The following PUS10 variants were observed in gnomAD, a reference collection of about 807,000 sequenced individuals.
The protein encoded by PUS10 is tRNA pseudouridine synthase Pus10.
Under a neutral mutation model 75.0 loss-of-function variants are expected in PUS10, and 59 were observed. That is an observed-to-expected ratio of 0.79 (90% CI 0.64 to 0.98). The LOEUF (loss-of-function observed/expected upper bound fraction) is 0.98. PUS10 is among the 50% of genes least tolerant of loss of function. PUS10 has a pLI of 0.00. For missense variants in PUS10, 650 were observed against 614.4 expected (o/e 1.06, Z -0.61); for synonymous variants, 219 against 211.6 (o/e 1.03, Z -0.30).
At chr2:60,998,079 T>C (rs999874639) in intron 4 of PUS10, among the ~76,000 whole-genome samples, 11 of 152,312 alleles carry the variant, frequency 7.2e-5, no homozygotes, top group African/African-American at 2.2e-4. Flanking sequence ...ATAGCTCCTA[T>C]ACTTAAAGTT....
chr2:60,978,471 G>A (rs6736706), intron 4 of PUS10, among the ~76,000 whole-genome samples: 1 of 143,442 alleles, frequency 7.0e-6, no homozygotes, highest in African/African-American at 2.6e-5. Context: ...AACGTGGAAA[G>A]TATGTTCCAA....
In PUS10 at chr2:60,961,453, A is replaced by T. The variant is rs376152769; in HGVS notation, c.874+10T>A. On this transcript the variant is annotated intron_variant, in intron 10 of 17. Coordinates refer to ENST00000316752, the MANE Select transcript of PUS10 (RefSeq NM_144709.4). The stretch of plus-strand genomic sequence containing the variant: ...CACAGTGTATGTATATTCTAGACTA[A>T]ATATTTTACCAGCCACAAAAACAGC... 9.9e-6 allele frequency: 16 copies of T among 1,608,088 alleles called. No homozygotes were observed. In the South Asian group the frequency reaches 1.1e-4, roughly 11 times the overall value.
Position 61,011,900 on chromosome 2 carries a change from T to G in PUS10, c.-10A>C. ...CAGTCAGTGGGAACATATTGAATAA[T>G]TATAACTAGAAAGAAAAGAAGTAAA... On this transcript the variant is annotated 5_prime_UTR_variant, in exon 2 of 18. Coordinates refer to ENST00000316752, the MANE Select transcript of PUS10 (RefSeq NM_144709.4). 1 of 1,589,994 alleles carries G rather than the reference T, an allele frequency of 6.3e-7. No individual in the cohort carries two copies. Among genetic ancestry groups the G allele is most frequent in the South Asian group, 1.2e-5 (1 of 85,862 alleles).
At chr2:60,983,023 A>G (rs1304072564) in intron 4 of PUS10, among the ~76,000 whole-genome samples, 1 of 152,094 alleles carries the variant, frequency 6.6e-6, no homozygotes, top group East Asian at 1.9e-4. Context: ...AGTCTTGAGT[A>G]GCTGGGACTA....
intron 4 of PUS10, among the ~76,000 whole-genome samples, chr2:60,991,753 TC>T (rs1232761449): frequency 1.3e-5 from 2 of 152,140 alleles, no homozygotes; most frequent in East Asian, 3.8e-4. Flanking sequence ...AGAAAAATAA[TC>T]CAAAAGAATT....
At chr2:61,011,085 G>A (rs570731870) in intron 2 of PUS10, among the ~76,000 whole-genome samples, 1 of 152,226 alleles carries the variant, frequency 6.6e-6, no homozygotes, top group East Asian at 1.9e-4. Context: ...GAAACTGTGT[G>A]TGTATATGTT....
At chr2:60,982,290 T>A (rs986294605) in intron 4 of PUS10, among the ~76,000 whole-genome samples, 1 of 152,096 alleles carries the variant, frequency 6.6e-6, no homozygotes, top group Non-Finnish European at 1.5e-5. Context: ...GGAGACAGAG[T>A]CTTGCTCTGT....
chr2:61,004,501 C>T (rs1265787518), intron 4 of PUS10, among the ~76,000 whole-genome samples: 1 of 152,014 alleles, frequency 6.6e-6, no homozygotes, highest in African/African-American at 2.4e-5. Context: ...TGGTGGCGGG[C>T]ACCTGTAGTC....
chr2:61,016,029 G>C (rs1325488807), intron 1 of PUS10, among the ~76,000 whole-genome samples: 2 of 152,172 alleles, frequency 1.3e-5, no homozygotes, highest in Non-Finnish European at 2.9e-5. Context: ...GACACTTAAT[G>C]AAGATTTCCC....
rs1404713628 is a variant in PUS10 at position 61,017,950 on chromosome 2, C to T, written c.-16+58G>A. 7 of 1,377,828 alleles carry T rather than the reference C, an allele frequency of 5.1e-6. No homozygotes were observed. In the East Asian group the frequency reaches 7.5e-5, roughly 15 times the overall value. The allele number at this position is 1,377,828 out of a possible 1,614,324, so 85.4% of individuals were successfully genotyped here. The stretch of plus-strand genomic sequence containing the variant: ...TTGTTAGTGGAGGTATTCCCTTCCC[C>T]CCTTTAACCAATACCCAACCTTGGG... On this transcript the variant is annotated intron_variant, in intron 1 of 17. Coordinates refer to ENST00000316752, the MANE Select transcript of PUS10 (RefSeq NM_144709.4).
chr2:61,013,803 T>A (rs1461454991), intron 1 of PUS10, among the ~76,000 whole-genome samples: 2 of 151,906 alleles, frequency 1.3e-5, no homozygotes, highest in Non-Finnish European at 2.9e-5. Flanking sequence ...GGTGGGCAGA[T>A]CACTTGAGGT....
At chr2:60,950,763 T>C (rs1214790364) in intron 15 of PUS10, among the ~76,000 whole-genome samples, 3 of 152,148 alleles carry the variant, frequency 2.0e-5, no homozygotes, top group African/African-American at 7.2e-5. Context: ...CAGTTTACTC[T>C]ACCATTTCCT....
chr2:61,014,970 T>A (rs928212581), intron 1 of PUS10, among the ~76,000 whole-genome samples: 1 of 152,108 alleles, frequency 6.6e-6, no homozygotes, highest in Admixed American at 6.5e-5. Context: ...AAAAATCAGT[T>A]CAGCAGCCAG....
intron 4 of PUS10, 103 bp from the exon 5 acceptor site, chr2:60,971,660 A>G (rs1034747829): frequency 1.9e-6 from 2 of 1,063,984 alleles, no homozygotes; most frequent in African/African-American, 3.1e-5. Context: ...TTTGCTAATC[A>G]AACTCCCCTT....
intron 10 of PUS10, 39 bp from the exon 11 acceptor site, chr2:60,960,556 G>A (rs771641398): frequency 1.8e-5 from 27 of 1,530,610 alleles, no homozygotes; most frequent in Non-Finnish European, 2.3e-5. Flanking sequence ...ATGGAATGGA[G>A]TAATTAACAT....
chr2:60,956,409 C>T (rs958931309), intron 11 of PUS10, among the ~76,000 whole-genome samples: 5 of 152,186 alleles, frequency 3.3e-5, no homozygotes, highest in African/African-American at 7.2e-5. Flanking sequence ...CCCTGTCTCC[C>T]GGTCAGCCCC....
Position 60,953,118 on chromosome 2 carries a change from A to G in PUS10, c.1191-4T>C. Reference sequence around the variant, plus strand: ...TTTCATATGTCCTATTGCCTCTCTAAACAAAAACAATTTTTAGAAGTTTGT... The same window carrying G: ...TTTCATATGTCCTATTGCCTCTCTAGACAAAAACAATTTTTAGAAGTTTGT... On this transcript the variant is annotated splice_region_variant and splice_polypyrimidine_tract_variant and intron_variant, in intron 14 of 17. Coordinates refer to ENST00000316752, the MANE Select transcript of PUS10 (RefSeq NM_144709.4). 1 of 1,469,282 alleles carries G rather than the reference A, an allele frequency of 6.8e-7. No individual in the cohort carries two copies. The highest frequency in any genetic ancestry group is 1.9e-5 in the Admixed American group (1 of 53,380). 91.0% of individuals were successfully genotyped at this position (1,469,282 alleles called of 1,614,324 possible). A position where few individuals can be genotyped will look rare whatever the true frequency, so the allele number is the denominator to read the frequency against.
chr2:60,968,790 T>A lies in PUS10; in HGVS notation c.504-1177A>T, dbSNP rs149041020. 3.0e-3 allele frequency among the ~76,000 whole-genome samples: 450 copies of A among 152,310 alleles called. 1 individual carries two copies. Among genetic ancestry groups the A allele is most frequent in the African/African-American group, 0.01 (421 of 41,592 alleles). ...TATGGTTTGGGATTGTGATTTAACA[T>A]TGAAATACCCAGATAAACTCTACAT... is the stretch of plus-strand genomic sequence containing the variant. On this transcript the variant is annotated intron_variant, in intron 5 of 17. Coordinates refer to ENST00000316752, the MANE Select transcript of PUS10 (RefSeq NM_144709.4).
intron 4 of PUS10, among the ~76,000 whole-genome samples, chr2:60,989,784 A>G (rs1013667383): frequency 6.6e-6 from 1 of 152,146 alleles, no homozygotes; most frequent in Middle Eastern, 3.4e-3. Flanking sequence ...ATGCCCGGCT[A>G]ATTTTTAAAA....
Sources: gnomAD v4.1 joint callset for allele counts (sites outside exome capture counted in the v4.1 genomes callset) on GRCh38, gnomAD v4.1.1 for gene constraint, MANE v1.5 for transcripts, NCBI Gene and HGNC (gene_info 2026-07-23, HGNC 2026-07-21) for gene names.